The following COMMD6 variants were observed in gnomAD, a reference collection of about 807,000 sequenced individuals.
COMMD6 encodes COMM domain containing 6.
COMMD6 carries 11 observed loss-of-function variants against 13.4 expected under a neutral mutation model. That is an observed-to-expected ratio of 0.82 (90% CI 0.52 to 1.36). The LOEUF (loss-of-function observed/expected upper bound fraction) is 1.36. Among genes scored for constraint, COMMD6 ranks in the 40% most tolerant of loss-of-function variants. The pLI is 0.00. For synonymous variants in COMMD6, 43 were observed against 36.5 expected (o/e 1.18, Z -0.64); for missense variants, 124 against 102.4 (o/e 1.21, Z -0.91).
At chr13:75,543,028 G>A (rs528710490), upstream of COMMD6, among the ~76,000 whole-genome samples, 2 of 152,366 alleles carry the variant, frequency 1.3e-5, no homozygotes, top group South Asian at 2.1e-4. Context: ...CATGTCCTTT[G>A]CAGCAACATG....
chr13:75,528,082 T>TG (rs1035117236), intron 3 of COMMD6, among the ~76,000 whole-genome samples: 7 of 141,328 alleles, frequency 5.0e-5, no homozygotes, highest in Non-Finnish European at 7.7e-5. Context: ...TGTGTGGGGG[T>TG]GGATGTGTTA....
upstream of COMMD6, among the ~76,000 whole-genome samples, chr13:75,541,959 C>T (rs1258518887): frequency 6.6e-6 from 1 of 151,920 alleles, no homozygotes; most frequent in African/African-American, 2.4e-5. Flanking sequence ...AATACATATG[C>T]CATAGTAAAC....
rs1055184114 is a variant in COMMD6 at position 75,525,413 on chromosome 13, T to A, written c.*1176A>T. The A allele has an allele frequency of 6.6e-6, 1 of 152,212 alleles. No individual in the cohort carries two copies. The highest frequency in any genetic ancestry group is 6.5e-5 in the Admixed American group (1 of 15,278). 9.4% of individuals were successfully genotyped at this position (152,212 alleles called of 1,614,324 possible). ...CAGTTACAGAAGGCAGGTTTGCTGT[T>A]TTAACCCAGATAGAGGGGTTTCTAC... is the stretch of plus-strand genomic sequence containing the variant. On this transcript the variant is annotated 3_prime_UTR_variant, in exon 4 of 4. Transcript: ENST00000682242.
intron 2 of COMMD6, chr13:75,537,331 G>A (rs2030703735): frequency 9.0e-6 from 14 of 1,550,184 alleles, no homozygotes; most frequent in Non-Finnish European, 1.1e-5. Flanking sequence ...AATGTTTGCG[G>A]TGCTATCTCT....
chr13:75,538,683 T>C (rs1165801047), upstream of COMMD6: 1 of 152,164 alleles, frequency 6.6e-6, no homozygotes, highest in Admixed American at 6.5e-5. Context: ...AAAATACTAT[T>C]CTCTAATAAA....
At chr13:75,537,337 T>C (rs1159867625) in intron 2 of COMMD6, 1 of 1,550,548 alleles carries the variant, frequency 6.4e-7, no homozygotes, top group Non-Finnish European at 8.7e-7. Context: ...TGCGGTGCTA[T>C]CTCTGCAAAT....
chr13:75,533,914 G>C (rs1414446688), intron 2 of COMMD6, among the ~76,000 whole-genome samples: 61 of 152,100 alleles, frequency 4.0e-4, no homozygotes, highest in African/African-American at 4.8e-5. Flanking sequence ...CATGAGTAGA[G>C]AGAGTTTTAA....
chr13:75,526,275 A>G lies in COMMD6; in HGVS notation c.*314T>C. The G allele has an allele frequency of 4.5e-6, 1 of 223,564 alleles. No homozygotes were observed. 13.8% of individuals were successfully genotyped at this position (223,564 alleles called of 1,614,324 possible). A position where few individuals can be genotyped will look rare whatever the true frequency, so the allele number is the denominator to read the frequency against. On this transcript the variant is annotated 3_prime_UTR_variant, in exon 4 of 4. Transcript: ENST00000682242. ...TCCATCCAGTACAAGTTTTTAAACT[A>G]CTGTTGTAACACATAAATTTGTGCT... is the stretch of plus-strand genomic sequence containing the variant.
chr13:75,537,287 A>G (rs1188852893), intron 2 of COMMD6: 1 of 1,529,682 alleles, frequency 6.5e-7, no homozygotes, highest in African/African-American at 1.4e-5. Context: ...AAAATGCTAT[A>G]CTCCATCTTC....
upstream of COMMD6, among the ~76,000 whole-genome samples, chr13:75,539,159 C>G (rs976278070): frequency 2.0e-5 from 3 of 151,912 alleles, no homozygotes; most frequent in African/African-American, 4.8e-5. Flanking sequence ...CTCTCTGACT[C>G]TAGCCTGAAA....
upstream of COMMD6, among the ~76,000 whole-genome samples, chr13:75,538,249 A>C (rs914923326): frequency 1.3e-5 from 2 of 152,170 alleles, no homozygotes; most frequent in Non-Finnish European, 2.9e-5. Flanking sequence ...CAGTTATAGG[A>C]TGAGCTGCTT....
Position 75,526,560 on chromosome 13 carries a change from T to C in COMMD6, c.*29A>G, listed in dbSNP as rs183734666. On this transcript the variant is annotated 3_prime_UTR_variant, in exon 4 of 4. Coordinates refer to ENST00000682242, the MANE Select transcript of COMMD6 (RefSeq NM_203495.4). Reference sequence around the variant, plus strand: ...AGTGAAGTCCATGACTTTAGAATGATAGCAATTTATCAACCAAAGAATCCG... The same window carrying C: ...AGTGAAGTCCATGACTTTAGAATGACAGCAATTTATCAACCAAAGAATCCG... 194 of 1,526,854 alleles carry C rather than the reference T, an allele frequency of 1.3e-4. 1 individual carries two copies. The African/African-American group carries it at 2.1e-3, about 16-fold the overall frequency. 94.6% of individuals were successfully genotyped at this position (1,526,854 alleles called of 1,614,324 possible). A position where few individuals can be genotyped will look rare whatever the true frequency, so the allele number is the denominator to read the frequency against.
intron 1 of COMMD6, among the ~76,000 whole-genome samples, chr13:75,546,948 A>T (rs947540522): frequency 6.6e-6 from 1 of 152,138 alleles, no homozygotes; most frequent in East Asian, 1.9e-4. Context: ...CAATATTTTC[A>T]TTAGCTAATC....
chr13:75,530,375 C>A, intron 2 of COMMD6, 109 bp from the exon 3 acceptor site: 1 of 716,414 alleles, frequency 1.4e-6, no homozygotes, highest in Non-Finnish European at 2.2e-6. Context: ...CAACGCTGGT[C>A]ATATTTACAT....
chr13:75,531,997 A>T (rs1228573211), intron 2 of COMMD6, among the ~76,000 whole-genome samples: 1 of 152,272 alleles, frequency 6.6e-6, no homozygotes. Context: ...TACAGCAATG[A>T]AAATGAACTT....
chr13:75,540,080 A>G (rs1052118527), upstream of COMMD6, among the ~76,000 whole-genome samples: 1 of 148,268 alleles, frequency 6.7e-6, no homozygotes, highest in African/African-American at 2.5e-5. Flanking sequence ...AAGCGCTTCT[A>G]CTGACTCAGC....
At chr13:75,537,492 C>T in intron 2 of COMMD6, 172 bp downstream of exon 2, 1 of 1,554,642 alleles carries the variant, frequency 6.4e-7, no homozygotes, top group Non-Finnish European at 8.7e-7. Context: ...ACAATGGCAA[C>T]GGCTACCGGC....
chr13:75,539,393 C>G (rs1444388927), upstream of COMMD6, among the ~76,000 whole-genome samples: 1 of 152,092 alleles, frequency 6.6e-6, no homozygotes, highest in African/African-American at 2.4e-5. Flanking sequence ...ACATGCATCA[C>G]CATGCCTGGC....
At chr13:75,537,351 C>G in intron 2 of COMMD6, 2 of 1,550,678 alleles carry the variant, frequency 1.3e-6, no homozygotes, top group Non-Finnish European at 1.7e-6. Flanking sequence ...TGCAAATTTT[C>G]CTAACTTCTT....
Sources: gnomAD v4.1 joint callset for allele counts (sites outside exome capture counted in the v4.1 genomes callset) on GRCh38, gnomAD v4.1.1 for gene constraint, MANE v1.5 for transcripts, NCBI Gene and HGNC (gene_info 2026-07-23, HGNC 2026-07-21) for gene names.